The following ZRANB3 variants were observed in gnomAD, a reference collection of about 807,000 sequenced individuals.
ZRANB3 encodes DNA annealing helicase and endonuclease ZRANB3.
In ZRANB3, 125 loss-of-function variants were observed where a neutral mutation model predicts 133.8. The observed-to-expected ratio is 0.93, with a 90% confidence interval of 0.81 to 1.08. ZRANB3 has a LOEUF of 1.08. Ranked by LOEUF, ZRANB3 falls within the 50% of genes least tolerant of loss-of-function variation. The pLI, the probability that ZRANB3 is intolerant of heterozygous loss-of-function variation, is 0.00. For missense variants in ZRANB3, 1,229 were observed against 1,275.5 expected (o/e 0.96, Z 0.56); for synonymous variants, 387 against 432.7 (o/e 0.89, Z 1.31).
At chr2:135,509,871 A>T (rs1168673772) in intron 1 of ZRANB3, among the ~76,000 whole-genome samples, 1 of 152,210 alleles carries the variant, frequency 6.6e-6, no homozygotes, top group African/African-American at 2.4e-5. Context: ...CAAATTTTCC[A>T]AATTTTAAAC....
At chr2:135,249,694 G>C (rs1160962740) in intron 12 of ZRANB3, among the ~76,000 whole-genome samples, 2 of 152,096 alleles carry the variant, frequency 1.3e-5, no homozygotes, top group African/African-American at 4.8e-5. Flanking sequence ...AGATCTGATG[G>C]GTTTATCACG....
At chr2:135,471,232 A>G (rs1691255402) in intron 2 of ZRANB3, among the ~76,000 whole-genome samples, 2 of 151,946 alleles carry the variant, frequency 1.3e-5, no homozygotes, top group South Asian at 4.2e-4. Context: ...AAGTGTACAT[A>G]TTGGCTTTTT....
chr2:135,410,631 T>C (rs1330141060), intron 2 of ZRANB3, among the ~76,000 whole-genome samples: 2 of 151,564 alleles, frequency 1.3e-5, no homozygotes, highest in African/African-American at 4.8e-5. Context: ...AAAAAATAGG[T>C]ATATGGGACT....
chr2:135,355,251 T>C (rs890097102), intron 3 of ZRANB3: 55 of 985,284 alleles, frequency 5.6e-5, no homozygotes, highest in Admixed American at 1.2e-4. Context: ...AATTAGTATG[T>C]TTCCGTGTCT....
At chr2:135,445,522 G>A (rs1239156113) in intron 2 of ZRANB3, among the ~76,000 whole-genome samples, 3 of 152,086 alleles carry the variant, frequency 2.0e-5, no homozygotes, top group Non-Finnish European at 4.4e-5. Flanking sequence ...TTGAGTGGGA[G>A]AAAATCTATA....
At chr2:135,506,506 G>A (rs535520809) in intron 1 of ZRANB3, among the ~76,000 whole-genome samples, 13 of 151,904 alleles carry the variant, frequency 8.6e-5, no homozygotes, top group Admixed American at 6.6e-4. Flanking sequence ...AATAACTTTG[G>A]ATTCCTTTTT....
intron 2 of ZRANB3, among the ~76,000 whole-genome samples, chr2:135,484,036 G>GT (rs573805163): frequency 2.5e-4 from 38 of 152,274 alleles, no homozygotes; most frequent in Admixed American, 1.9e-3. Flanking sequence ...TTCCAAGTAT[G>GT]TGGTCAATTT....
chr2:135,447,314 C>T (rs1262007678), intron 2 of ZRANB3, among the ~76,000 whole-genome samples: 1 of 152,186 alleles, frequency 6.6e-6, no homozygotes, highest in Non-Finnish European at 1.5e-5. Context: ...GTTGGGATTA[C>T]AGACGTGAGC....
chr2:135,354,363 A>C (rs1198159239), intron 3 of ZRANB3, among the ~76,000 whole-genome samples: 1 of 152,210 alleles, frequency 6.6e-6, no homozygotes, highest in Non-Finnish European at 1.5e-5. Context: ...CAGCTGGCTG[A>C]TGCAAAACTC....
intron 2 of ZRANB3, among the ~76,000 whole-genome samples, chr2:135,414,024 A>G (rs964840269): frequency 1.1e-4 from 17 of 152,118 alleles, no homozygotes; most frequent in African/African-American, 3.9e-4. Context: ...GACCATCGAG[A>G]CTAGGAAGAA....
At chr2:135,388,266 G>C (rs1687070651) in intron 3 of ZRANB3, among the ~76,000 whole-genome samples, 1 of 152,138 alleles carries the variant, frequency 6.6e-6, no homozygotes, top group Non-Finnish European at 1.5e-5. Context: ...CCCCCACTGG[G>C]TCACCCCTCC....
intron 5 of ZRANB3, among the ~76,000 whole-genome samples, chr2:135,346,485 ATATATT>A (rs1425050197): frequency 6.6e-6 from 1 of 152,178 alleles, no homozygotes; most frequent in Non-Finnish European, 1.5e-5. Context: ...GGTATAGTAC[ATATATT>A]TATATCTGTA....
intron 12 of ZRANB3, among the ~76,000 whole-genome samples, chr2:135,257,490 T>A (rs771409964): frequency 1.3e-5 from 2 of 152,218 alleles, no homozygotes; most frequent in Admixed American, 1.3e-4. Flanking sequence ...ATGTCTAACA[T>A]GTTGAGGAAC....
chr2:135,494,258 A>C (rs1338679525), intron 2 of ZRANB3, among the ~76,000 whole-genome samples: 4 of 144,312 alleles, frequency 2.8e-5, no homozygotes, highest in Non-Finnish European at 6.0e-5. Context: ...CAGTGAGCTG[A>C]GATCGCGCCA....
chr2:135,242,401 T>C (rs760418854), intron 12 of ZRANB3, among the ~76,000 whole-genome samples: 8 of 152,000 alleles, frequency 5.3e-5, no homozygotes, highest in African/African-American at 1.4e-4. Flanking sequence ...GTAATGGCTT[T>C]AGTGTGTGTT....
chr2:135,446,956 T>C (rs1690049351), intron 2 of ZRANB3, among the ~76,000 whole-genome samples: 1 of 152,218 alleles, frequency 6.6e-6, no homozygotes, highest in African/African-American at 2.4e-5. Flanking sequence ...CTCTTAGCTA[T>C]GTGTTTAACC....
intron 8 of ZRANB3, among the ~76,000 whole-genome samples, chr2:135,294,704 G>C (rs1447880506): frequency 1.3e-5 from 2 of 151,968 alleles, no homozygotes; most frequent in African/African-American, 2.4e-5. Context: ...GTCAATTTTA[G>C]ATCTTTCCTG....
chr2:135,465,730 C>G (rs1481615239), intron 2 of ZRANB3, among the ~76,000 whole-genome samples: 2 of 152,136 alleles, frequency 1.3e-5, no homozygotes, highest in African/African-American at 4.8e-5. Flanking sequence ...AGTGAACAGG[C>G]AACCTACAGA....
chr2:135,378,928 T>C (rs1348711395), intron 3 of ZRANB3, among the ~76,000 whole-genome samples: 2 of 152,152 alleles, frequency 1.3e-5, no homozygotes, highest in East Asian at 1.9e-4. Flanking sequence ...ATATGCAGAG[T>C]AATGTGTTTC....
Sources: gnomAD v4.1 joint callset for allele counts (sites outside exome capture counted in the v4.1 genomes callset) on GRCh38, gnomAD v4.1.1 for gene constraint, MANE v1.5 for transcripts, NCBI Gene and HGNC (gene_info 2026-07-23, HGNC 2026-07-21) for gene names.